The following GRID2 variants were observed in gnomAD, a reference collection of about 807,000 sequenced individuals.
GRID2 encodes the protein glutamate receptor ionotropic, delta-2.
Under a neutral mutation model 114.8 loss-of-function variants are expected in GRID2, and 33 were observed. The ratio of observed to expected loss-of-function variants is 0.29; its 90% CI spans 0.22 to 0.38. The LOEUF (loss-of-function observed/expected upper bound fraction) is 0.38, where lower values mean the gene tolerates loss of function less well. Ranked by LOEUF, GRID2 falls within the 10% of genes least tolerant of loss-of-function variation. The probability of loss-of-function intolerance (pLI) is 1.00; values close to 1 mark genes in which losing one functional copy is unlikely to be tolerated. For synonymous variants in GRID2, 505 were observed against 449.9 expected (o/e 1.12, Z -1.55); for missense variants, 1,184 against 1,257.7 (o/e 0.94, Z 0.89).
intron 8 of GRID2, among the ~76,000 whole-genome samples, chr4:93,284,996 A>G (rs1231233182): frequency 1.3e-5 from 2 of 152,000 alleles, no homozygotes; most frequent in African/African-American, 4.8e-5. Context: ...TACATCAGTG[A>G]TGTTGGAATT....
At chr4:92,977,999 C>T (rs1560763840) in intron 2 of GRID2, among the ~76,000 whole-genome samples, 1 of 152,104 alleles carries the variant, frequency 6.6e-6, no homozygotes, top group Non-Finnish European at 1.5e-5. Context: ...ACAAGTTATA[C>T]ATTTGGTAGT....
At chr4:93,051,049 C>T (rs958345105) in intron 2 of GRID2, among the ~76,000 whole-genome samples, 23 of 152,146 alleles carry the variant, frequency 1.5e-4, no homozygotes, top group African/African-American at 5.5e-4. Flanking sequence ...TAGTGCTCCA[C>T]ATCACTCTTA....
At chr4:92,951,339 T>G (rs1262450922) in intron 2 of GRID2, among the ~76,000 whole-genome samples, 3 of 140,682 alleles carry the variant, frequency 2.1e-5, no homozygotes, top group African/African-American at 5.2e-5. Flanking sequence ...AATTTTTTAT[T>G]TATTTATTTA....
chr4:92,944,447 A>T (rs1751447164), intron 2 of GRID2, among the ~76,000 whole-genome samples: 2 of 152,154 alleles, frequency 1.3e-5, no homozygotes, highest in African/African-American at 4.8e-5. Context: ...GGTGGGAGTG[A>T]CCCGATTTTC....
intron 14 of GRID2, among the ~76,000 whole-genome samples, chr4:93,704,582 A>C (rs1727826332): frequency 6.6e-6 from 1 of 152,086 alleles, no homozygotes; most frequent in African/African-American, 2.4e-5. Context: ...TGAACTCATT[A>C]ATTATCCCCA....
chr4:93,321,087 T>C (rs999288043), intron 8 of GRID2, among the ~76,000 whole-genome samples: 16 of 152,058 alleles, frequency 1.1e-4, no homozygotes, highest in African/African-American at 3.9e-4. Context: ...TGATCTATAA[T>C]TGAAGGTAAA....
intron 12 of GRID2, among the ~76,000 whole-genome samples, chr4:93,513,940 C>A (rs1172457423): frequency 1.3e-5 from 2 of 152,134 alleles, no homozygotes; most frequent in East Asian, 3.9e-4. Flanking sequence ...CAAACTCCAT[C>A]TAGAAACAGA....
At chr4:92,472,568 C>T (rs1411571281) in intron 1 of GRID2, among the ~76,000 whole-genome samples, 1 of 152,132 alleles carries the variant, frequency 6.6e-6, no homozygotes, top group Non-Finnish European at 1.5e-5. Context: ...GTTTCAGTTG[C>T]TCCACATCTT....
At chr4:92,423,609 C>G (rs991693210) in intron 1 of GRID2, among the ~76,000 whole-genome samples, 4 of 152,054 alleles carry the variant, frequency 2.6e-5, no homozygotes, top group Non-Finnish European at 5.9e-5. Flanking sequence ...ATTCTTATGG[C>G]ATATGCTTAC....
intron 8 of GRID2, among the ~76,000 whole-genome samples, chr4:93,389,658 T>C (rs1195899245): frequency 6.6e-6 from 1 of 152,146 alleles, no homozygotes; most frequent in Admixed American, 6.6e-5. Context: ...TTATAAAAAA[T>C]AGTTTACTTG....
intron 4 of GRID2, among the ~76,000 whole-genome samples, chr4:93,148,947 A>G (rs975796606): frequency 2.0e-5 from 3 of 152,186 alleles, no homozygotes; most frequent in African/African-American, 4.8e-5. Context: ...ATGACAAAGG[A>G]AAGTTTGGTT....
intron 4 of GRID2, among the ~76,000 whole-genome samples, chr4:93,174,401 C>A (rs937515397): frequency 2.6e-5 from 4 of 152,086 alleles, no homozygotes; most frequent in Non-Finnish European, 5.9e-5. Context: ...TTTTTTCACT[C>A]AGTGGAATTC....
intron 1 of GRID2, among the ~76,000 whole-genome samples, chr4:92,448,661 A>G (rs1178225712): frequency 1.3e-5 from 2 of 151,724 alleles, no homozygotes; most frequent in African/African-American, 2.4e-5. Context: ...TAATAATTTA[A>G]TTTTATGGAA....
At chr4:92,764,268 G>GA (rs532909880) in intron 2 of GRID2, among the ~76,000 whole-genome samples, 1,539 of 151,072 alleles carry the variant, frequency 0.01, 10 homozygotes, top group Middle Eastern at 0.031. Flanking sequence ...TGGTCAAAAA[G>GA]AAAAAAAAAG....
At chr4:93,076,992 T>C (rs1251598095) in intron 2 of GRID2, among the ~76,000 whole-genome samples, 1 of 152,178 alleles carries the variant, frequency 6.6e-6, no homozygotes, top group Non-Finnish European at 1.5e-5. Context: ...CTCAGTCTTT[T>C]ATTGATGACC....
At chr4:92,966,832 G>C (rs1578627833) in intron 2 of GRID2, among the ~76,000 whole-genome samples, 1 of 151,986 alleles carries the variant, frequency 6.6e-6, no homozygotes, top group East Asian at 1.9e-4. Context: ...GGCTCTGTGT[G>C]TCTTTCTCTT....
chr4:93,341,486 C>G (rs1560518189), intron 8 of GRID2, among the ~76,000 whole-genome samples: 1 of 152,148 alleles, frequency 6.6e-6, no homozygotes, highest in Non-Finnish European at 1.5e-5. Context: ...CCACGCCCGG[C>G]TCATTTTTGT....
At chr4:93,189,772 ACCACAC>A (rs1740791572) in intron 4 of GRID2, among the ~76,000 whole-genome samples, 1 of 88,802 alleles carries the variant, frequency 1.1e-5, no homozygotes, top group South Asian at 4.5e-4. Flanking sequence ...ACCACACCAC[ACCACAC>A]ACACACACAC....
chr4:92,755,255 A>G (rs1162060957), intron 2 of GRID2, among the ~76,000 whole-genome samples: 2 of 152,146 alleles, frequency 1.3e-5, no homozygotes, highest in African/African-American at 2.4e-5. Context: ...ATCTATACCT[A>G]TTGTTATTCT....
Sources: allele counts gnomAD v4.1 joint callset (sites outside exome capture counted in the v4.1 genomes callset), GRCh38; gene constraint gnomAD v4.1.1; transcripts MANE v1.5; gene names NCBI Gene and HGNC (gene_info 2026-07-23, HGNC 2026-07-21).